Variants in ZCCHC4 observed in about 807,000 individuals in gnomAD.
ZCCHC4 encodes the protein rRNA N(6)-adenosine-methyltransferase ZCCHC4.
Under a neutral mutation model 67.7 loss-of-function variants are expected in ZCCHC4, and 54 were observed. The ratio of observed to expected loss-of-function variants is 0.80; its 90% confidence interval spans 0.64 to 1.00. The LOEUF (loss-of-function observed/expected upper bound fraction) is 1.00. Ranked by LOEUF, ZCCHC4 falls within the 50% of genes least tolerant of loss-of-function variation. The pLI, the probability that ZCCHC4 is intolerant of heterozygous loss-of-function variation, is 0.00. For synonymous variants in ZCCHC4, 198 were observed against 213.5 expected, an observed-to-expected ratio of 0.93 and a Z score of 0.63; for missense variants, 609 against 617.0, an observed-to-expected ratio of 0.99 and a Z score of 0.14.
At chr4:25,317,477 C>T (rs970882194) in intron 3 of ZCCHC4, among the ~76,000 whole-genome samples, 8 of 151,804 alleles carry the variant, frequency 5.3e-5, no homozygotes, top group Non-Finnish European at 5.9e-5. Flanking sequence ...TTTGGGAGGC[C>T]GAGGTGGGTG....
chr4:25,354,904 C>CA (rs1720454254), intron 8 of ZCCHC4, among the ~76,000 whole-genome samples: 1 of 109,336 alleles, frequency 9.1e-6, no homozygotes, highest in South Asian at 2.9e-4. Flanking sequence ...CTTGATTAGG[C>CA]CTTTTTTTTT....
chr4:25,318,635 G>A (rs999112254), intron 3 of ZCCHC4, among the ~76,000 whole-genome samples: 9 of 151,922 alleles, frequency 5.9e-5, no homozygotes, highest in Non-Finnish European at 5.9e-5. Context: ...GATTACAGGC[G>A]TGAGCCACCA....
At chr4:25,356,380 A>T (rs1457375906) in intron 8 of ZCCHC4, among the ~76,000 whole-genome samples, 1 of 152,212 alleles carries the variant, frequency 6.6e-6, no homozygotes, top group Admixed American at 6.5e-5. Context: ...TTAGAGGTAC[A>T]TTAATTTACT....
intron 3 of ZCCHC4, among the ~76,000 whole-genome samples, chr4:25,315,902 A>C (rs1718236348): frequency 2.0e-5 from 3 of 151,996 alleles, no homozygotes; most frequent in Admixed American, 6.6e-5. Flanking sequence ...TTTTATAGAG[A>C]TAAGGTCTTG....
At position 25,366,640 on chromosome 4, in the gene ZCCHC4, C is replaced by T. The variant is rs576625500; in HGVS notation, c.1406+1474C>T. On this transcript the variant is annotated intron_variant, in intron 12 of 12. Transcript: ENST00000302874. Reference sequence around the variant, plus strand: ...CTGAAGAATCTTATAAAATATTTTCCTTAGAATAAACCTTCAAAAATTGAA... The same window carrying T: ...CTGAAGAATCTTATAAAATATTTTCTTTAGAATAAACCTTCAAAAATTGAA... Among the ~76,000 whole-genome samples the T allele has an allele frequency of 1.3e-4, 20 of 152,282 alleles. 1 individual carries two copies. Among genetic ancestry groups the T allele is most frequent in the African/African-American group, 4.8e-4 (20 of 41,562 alleles).
intron 5 of ZCCHC4, among the ~76,000 whole-genome samples, chr4:25,340,403 A>G (rs189305309): frequency 3.9e-5 from 6 of 152,272 alleles, no homozygotes; most frequent in Non-Finnish European, 7.4e-5. Flanking sequence ...CTGTTGCTGT[A>G]TGGTAAATTT....
chr4:25,334,881 A>C (rs1332182731), intron 5 of ZCCHC4, among the ~76,000 whole-genome samples: 1 of 151,788 alleles, frequency 6.6e-6, no homozygotes, highest in Non-Finnish European at 1.5e-5. Context: ...TCTGTCACCC[A>C]GGCTGGAGTG....
chr4:25,333,431 G>A lies in ZCCHC4; in HGVS notation c.578G>A (p.Arg193Lys), dbSNP rs1477661752. ...LVDLLSALGF[R>K]RVLCVGTPRL... The stretch of plus-strand genomic sequence containing the variant: ...GACTTACTTTCTGCCCTCGGATTCA[G>A]AAGAGTACTGTGTGTTGGAACACCA... The change falls in exon 4 of 13, where the codon AGA becomes AAA. Residue 193 changes from arginine to lysine, a missense_variant. By Grantham distance (26) the Arg-to-Lys change is conservative (BLOSUM62 2). Transcript: ENST00000302874. The A allele has an allele frequency of 6.2e-7, 1 of 1,614,148 alleles. No homozygotes were observed. The highest frequency in any genetic ancestry group is 1.1e-5 in the South Asian group (1 of 91,060).
intron 3 of ZCCHC4, among the ~76,000 whole-genome samples, chr4:25,330,682 A>G (rs1228261274): frequency 6.6e-6 from 1 of 152,118 alleles, no homozygotes; most frequent in Non-Finnish European, 1.5e-5. Flanking sequence ...GGACTGAGCA[A>G]CCTTTCGTGG....
At chr4:25,325,899 C>T (rs1718856079) in intron 3 of ZCCHC4, among the ~76,000 whole-genome samples, 1 of 152,130 alleles carries the variant, frequency 6.6e-6, no homozygotes, top group Non-Finnish European at 1.5e-5. Flanking sequence ...TTTTCCAGCA[C>T]CTTATCTGCT....
In ZCCHC4 at chr4:25,365,813, CCAAAA is replaced by C. The variant is rs1254819366; in HGVS notation, c.1406+658_1406+662del. 4 of 985,000 alleles carry C rather than the reference CCAAAA, an allele frequency of 4.1e-6. No individual in the cohort carries two copies. In the African/African-American group the frequency reaches 7.0e-5, roughly 17 times the overall value. 61.0% of individuals were successfully genotyped at this position (985,000 alleles called of 1,614,324 possible). ...GGCACTGCTTCTGGAATAGTTATCC[CCAAAA>C]CAAAACAAAAAGAGAAAAACATTGC... On this transcript the variant is annotated intron_variant, in intron 12 of 12. Coordinates refer to ENST00000302874, the MANE Select transcript of ZCCHC4 (RefSeq NM_024936.3).
chr4:25,321,061 C>T (rs1336715410), intron 3 of ZCCHC4, among the ~76,000 whole-genome samples: 1 of 152,152 alleles, frequency 6.6e-6, no homozygotes, highest in Non-Finnish European at 1.5e-5. Flanking sequence ...TAACAAAACC[C>T]GATACAACTT....
chr4:25,314,242 A>C, intron 2 of ZCCHC4, 78 bp downstream of exon 2: 6 of 878,432 alleles, frequency 6.8e-6, no homozygotes, highest in Non-Finnish European at 1.1e-5. Context: ...AAACCAATAA[A>C]AATATGCGGT....
chr4:25,366,724 G>A (rs995962180), intron 12 of ZCCHC4, among the ~76,000 whole-genome samples: 1 of 152,232 alleles, frequency 6.6e-6, no homozygotes, highest in Non-Finnish European at 1.5e-5. Context: ...GTGATTCTGT[G>A]TGGTAGTCAG....
intron 8 of ZCCHC4, among the ~76,000 whole-genome samples, chr4:25,353,651 TG>T: frequency 6.6e-6 from 1 of 152,360 alleles, no homozygotes; most frequent in Middle Eastern, 3.4e-3. Flanking sequence ...TGAAATAGCA[TG>T]AACCCTGGAG....
At chr4:25,319,699 CT>C (rs1577723612) in intron 3 of ZCCHC4, among the ~76,000 whole-genome samples, 1 of 151,942 alleles carries the variant, frequency 6.6e-6, no homozygotes, top group Admixed American at 6.6e-5. Context: ...AACCTATTCT[CT>C]TTGTCTGTCT....
In ZCCHC4 at chr4:25,315,324, G is replaced by A. The variant is rs1488234355; in HGVS notation, c.253G>A (p.Gly85Arg). The A allele has an allele frequency of 6.2e-7, 1 of 1,611,908 alleles. No individual in the cohort carries two copies. Among genetic ancestry groups the A allele is most frequent in the South Asian group, 1.1e-5 (1 of 90,704 alleles). ...GTTTTGTACTCTCTTTCAGTTGTCAGGAGCTAGACTTGCTGCCCGAGAAGC... is the reference window on the plus strand; with the variant it reads ...GTTTTGTACTCTCTTTCAGTTGTCAAGAGCTAGACTTGCTGCCCGAGAAGC... Reference protein sequence around the residue: ...FFQWEDEKLSGARLAAREAHN... With the variant: ...FFQWEDEKLSRARLAAREAHN... The change falls in exon 3 of 13, where the codon GGA becomes AGA. Residue 85 changes from glycine (G) to arginine (R), a missense_variant. Gly to Arg is a moderately radical substitution (Grantham distance 125). Coordinates refer to ENST00000302874, the MANE Select transcript of ZCCHC4 (RefSeq NM_024936.3).
intron 8 of ZCCHC4, among the ~76,000 whole-genome samples, chr4:25,360,274 C>T (rs746191121): frequency 2.0e-5 from 3 of 152,238 alleles, no homozygotes; most frequent in African/African-American, 2.4e-5. Context: ...CGGCTGAGAC[C>T]GCCTTCCTTG....
In ZCCHC4 at chr4:25,333,218, G is replaced by A; in HGVS notation, c.365G>A (p.Arg122Lys). ...TTTATTGAGTTGCCCTTGACTCAGA[G>A]AAAGTTTTGTCAAACATGTCAGCAG... ...LKFIELPLTQ[R>K]KFCQTCQQLL... The change falls in exon 4 of 13, where the codon AGA (arginine) becomes AAA (lysine). Residue 122 changes from arginine (R) to lysine (K), a missense_variant. By Grantham distance (26) the Arg-to-Lys change is conservative. Coordinates refer to ENST00000302874, the MANE Select transcript of ZCCHC4 (RefSeq NM_024936.3). The A allele has an allele frequency of 6.2e-7, 1 of 1,614,092 alleles. No homozygotes were observed. Among genetic ancestry groups the A allele is most frequent in the Non-Finnish European group, 8.5e-7 (1 of 1,179,970 alleles).
Sources: allele counts gnomAD v4.1 joint callset (sites outside exome capture counted in the v4.1 genomes callset), GRCh38; gene constraint gnomAD v4.1.1; transcripts MANE v1.5; gene names NCBI Gene and HGNC (gene_info 2026-07-23, HGNC 2026-07-21).